Variants in ABCC2 observed in about 807,000 individuals in gnomAD.
The protein encoded by ABCC2 is ATP-binding cassette sub-family C member 2.
A neutral mutation model predicts 173.4 loss-of-function variants in ABCC2; 157 were observed. The ratio of observed to expected loss-of-function variants is 0.91; its 90% CI spans 0.80 to 1.03. The LOEUF (loss-of-function observed/expected upper bound fraction) is 1.03. Among genes scored for constraint, ABCC2 ranks in the 50% least tolerant of loss-of-function variants. The pLI is 0.00. For missense variants in ABCC2, 1,822 were observed against 1,852.3 expected, an observed-to-expected ratio of 0.98 and a Z score of 0.30; for synonymous variants, 657 against 693.5, an observed-to-expected ratio of 0.95 and a Z score of 0.83.
intron 12 of ABCC2, 132 bp downstream of exon 12, chr10:99,807,653 C>A: frequency 1.5e-6 from 2 of 1,291,696 alleles, no homozygotes; most frequent in Non-Finnish European, 2.2e-6. Context: ...ACTTGTCCCT[C>A]TCACCGCCCC....
intron 11 of ABCC2, among the ~76,000 whole-genome samples, chr10:99,806,038 G>T (rs1262814425): frequency 6.7e-6 from 1 of 149,904 alleles, no homozygotes; most frequent in Non-Finnish European, 1.5e-5. Flanking sequence ...ATATTTAATT[G>T]ATAGTGATTT....
chr10:99,806,788 T>G (rs968051581), intron 11 of ABCC2, among the ~76,000 whole-genome samples: 1 of 152,226 alleles, frequency 6.6e-6, no homozygotes, highest in African/African-American at 2.4e-5. Flanking sequence ...ATAAGTTCTT[T>G]TAACTAAATA....
At chr10:99,831,507 A>C in intron 21 of ABCC2, 104 bp from the exon 22 acceptor site, 1 of 1,153,336 alleles carries the variant, frequency 8.7e-7, no homozygotes, top group Admixed American at 1.7e-5. Context: ...CCTGCTACCC[A>C]TGCTCCCAGG....
chr10:99,810,278 A>G (rs1315072765), intron 14 of ABCC2, 60 bp downstream of exon 14: 19 of 1,370,246 alleles, frequency 1.4e-5, no homozygotes, highest in Non-Finnish European at 1.9e-5. Flanking sequence ...CAGAATTTTG[A>G]TAATACAAGA....
Position 99,808,199 on chromosome 10 carries a change from G to A in ABCC2, c.1785G>A (p.Met595Ile). The change falls in exon 13 of 32, where the codon ATG (methionine) becomes ATA (isoleucine). Residue 595 changes from methionine to isoleucine, a missense_variant. Met to Ile is a conservative substitution (Grantham distance 10). Transcript: ENST00000647814. Reference protein sequence around the residue: ...LFNILRFPLSMLPMMISSMLQ... With the variant: ...LFNILRFPLSILPMMISSMLQ... ...ATATCCTGCGCTTTCCCCTGAGCATGCTTCCCATGATGATCTCCTCCATGC... is the reference window on the plus strand; with the variant it reads ...ATATCCTGCGCTTTCCCCTGAGCATACTTCCCATGATGATCTCCTCCATGC... 3 of 1,614,084 alleles carry A rather than the reference G, an allele frequency of 1.9e-6. No homozygotes were observed. The highest frequency in any genetic ancestry group is 2.5e-6 in the Non-Finnish European group (3 of 1,180,004).
chr10:99,835,954 C>G (rs899999651), intron 24 of ABCC2, 137 bp from the exon 25 acceptor site: 1 of 829,120 alleles, frequency 1.2e-6, no homozygotes, highest in African/African-American at 1.7e-5. Context: ...CCAGACATGG[C>G]ACTGCAGGCT....
At position 99,782,652 on chromosome 10, in the gene ABCC2, A is replaced by T. The variant is rs1394742987; in HGVS notation, c.-193A>T. The stretch of plus-strand genomic sequence containing the variant: ...CCTAGGGCTTTTTAGTCACATGTCC[A>T]TCCACTGTTTCAATGTAACATGCAT... On this transcript the variant is annotated 5_prime_UTR_variant, in exon 1 of 32. Coordinates refer to ENST00000647814, the MANE Select transcript of ABCC2 (RefSeq NM_000392.5). 9.2e-6 allele frequency: 6 copies of T among 655,322 alleles called. No homozygotes were observed. The highest frequency in any genetic ancestry group is 1.8e-5 in the African/African-American group (1 of 55,340). 40.6% of individuals were successfully genotyped at this position (655,322 alleles called of 1,614,324 possible).
rs867615681 is a variant in ABCC2, at chr10:99,819,121, T to G, written c.2472T>G (p.Phe824Leu). The G allele has an allele frequency of 1.9e-6, 3 of 1,614,214 alleles. No homozygotes were observed. In the African/African-American group the frequency reaches 4.0e-5, roughly 22 times the overall value. Reference protein sequence around the residue: ...TRLLVTHSMHFLPQVDEIVVL... With the variant: ...TRLLVTHSMHLLPQVDEIVVL... Reference sequence around the variant, plus strand: ...TCTTGGTTACACATAGCATGCACTTTCTTCCTCAAGTGGATGAGATTGTAG... The same window carrying G: ...TCTTGGTTACACATAGCATGCACTTGCTTCCTCAAGTGGATGAGATTGTAG... The change falls in exon 19 of 32, where the codon TTT (phenylalanine) becomes TTG (leucine). Residue 824 changes from phenylalanine (F) to leucine (L), a missense_variant. Phe to Leu is a conservative substitution (Grantham distance 22). Transcript: ENST00000647814.
At chr10:99,836,593 G>A (rs1030584061) in intron 25 of ABCC2, among the ~76,000 whole-genome samples, 1 of 152,212 alleles carries the variant, frequency 6.6e-6, no homozygotes, top group South Asian at 2.1e-4. Context: ...CTGTCTCATG[G>A]TGGAAGTCAA....
At chr10:99,803,656 A>G (rs2038047988) in intron 9 of ABCC2, among the ~76,000 whole-genome samples, 1 of 152,204 alleles carries the variant, frequency 6.6e-6, no homozygotes, top group Non-Finnish European at 1.5e-5. Context: ...GTAATGACAA[A>G]GGTAAGCTCA....
At chr10:99,847,601 T>TAA (rs113986415) in intron 30 of ABCC2, among the ~76,000 whole-genome samples, 13 of 137,938 alleles carry the variant, frequency 9.4e-5, no homozygotes, top group African/African-American at 2.7e-4. Context: ...AGACTCCGTC[T>TAA]AAAAAAAAAA....
intron 3 of ABCC2, 135 bp from the exon 4 acceptor site, chr10:99,793,416 C>G (rs2037840740): frequency 7.6e-7 from 1 of 1,320,118 alleles, no homozygotes; most frequent in Non-Finnish European, 1.1e-6. Context: ...TCTGTGTGCT[C>G]TCTACCTGGC....
chr10:99,814,267 G>A (rs373368370), intron 16 of ABCC2, among the ~76,000 whole-genome samples: 1,313 of 25,976 alleles, frequency 0.051, 209 homozygotes, highest in African/African-American at 0.14. Context: ...ACACACGTAT[G>A]TATACACACG....
rs1266012409 is a variant in ABCC2 at position 99,794,073 on chromosome 10, T to C, written c.576+74T>C. On this transcript the variant is annotated intron_variant, in intron 5 of 31. Coordinates refer to ENST00000647814, the MANE Select transcript of ABCC2 (RefSeq NM_000392.5). ...TCTTAATGAATATAACTTTAAGATG[T>C]CTGGGTCTCACGGAGGCGCCACAAG... 9 of 1,429,592 alleles carry C rather than the reference T, an allele frequency of 6.3e-6. No homozygotes were observed. The African/African-American group carries it at 8.5e-5, about 13-fold the overall frequency. 88.6% of individuals were successfully genotyped at this position (1,429,592 alleles called of 1,614,324 possible).
rs577991795 is a variant in ABCC2 at position 99,814,229 on chromosome 10, A to G, written c.2094+1085A>G. Among the ~76,000 whole-genome samples, 351 of 30,992 alleles carry G rather than the reference A, an allele frequency of 0.011. 60 individuals carry two copies. The South Asian group carries it at 0.17, about 15-fold the overall frequency. The allele number at this position is 30,992 out of a possible 152,430, so 20.3% of individuals were successfully genotyped here. On this transcript the variant is annotated intron_variant, in intron 16 of 31. Coordinates refer to ENST00000647814, the MANE Select transcript of ABCC2 (RefSeq NM_000392.5). ...TACACACATGTGTATATATACACAC[A>G]TGTGTATATATGCACACACGTATGT...
chr10:99,803,074 T>C (rs1265785888), intron 9 of ABCC2, among the ~76,000 whole-genome samples: 2 of 152,212 alleles, frequency 1.3e-5, no homozygotes, highest in Non-Finnish European at 2.9e-5. Flanking sequence ...GTTCTAGCAG[T>C]TCTCCTGCCT....
chr10:99,845,546 A>G, intron 28 of ABCC2, 78 bp from the exon 29 acceptor site: 1 of 1,566,512 alleles, frequency 6.4e-7, no homozygotes, highest in Admixed American at 1.7e-5. Flanking sequence ...ACCTCCTGTG[A>G]CTGTGAATGC....
rs1412759421 is a variant in ABCC2 at position 99,813,129 on chromosome 10, G to A, written c.2079G>A (p.Gly693=). The part of the protein sequence containing the change: ...AMLGEMENVH[G]HITIKGTTAY... ...TGGGAGAAATGGAAAATGTCCACGGGCACATCACCATCAAGGTGAGAGGGA... is the reference window on the plus strand; with the variant it reads ...TGGGAGAAATGGAAAATGTCCACGGACACATCACCATCAAGGTGAGAGGGA... Residue 693 remains glycine (G), a synonymous_variant, in exon 16 of 32, where the codon GGG becomes GGA. Transcript: ENST00000647814. 3 of 1,613,698 alleles carry A rather than the reference G, an allele frequency of 1.9e-6. No homozygotes were observed. Among genetic ancestry groups the A allele is most frequent in the Non-Finnish European group, 1.7e-6 (2 of 1,179,826 alleles).
At chr10:99,843,625 C>G (rs1245075964) in intron 26 of ABCC2, among the ~76,000 whole-genome samples, 174 bp from the exon 27 acceptor site, 1 of 152,240 alleles carries the variant, frequency 6.6e-6, no homozygotes, top group Non-Finnish European at 1.5e-5. Context: ...ATGCACTGCT[C>G]TTAATTCCTT....
Sources: gnomAD v4.1 joint callset for allele counts (sites outside exome capture counted in the v4.1 genomes callset) on GRCh38, gnomAD v4.1.1 for gene constraint, MANE v1.5 for transcripts, NCBI Gene and HGNC (gene_info 2026-07-23, HGNC 2026-07-21) for gene names.